The following CACNB4 variants were observed in gnomAD, a reference collection of about 807,000 sequenced individuals.
CACNB4 encodes the protein calcium voltage-gated channel auxiliary subunit beta 4, also known as voltage-dependent L-type calcium channel subunit beta-4.
CACNB4 carries 32 observed loss-of-function variants against 71.2 expected under a neutral mutation model. The observed-to-expected ratio is 0.45, with a 90% CI of 0.34 to 0.60. The LOEUF (loss-of-function observed/expected upper bound fraction) is 0.60. Ranked by LOEUF, CACNB4 falls within the 20% of genes least tolerant of loss-of-function variation. The pLI is 0.01. For synonymous variants in CACNB4, 231 were observed against 236.9 expected (o/e 0.97, Z 0.23); for missense variants, 464 against 647.9 (o/e 0.72, Z 3.08).
chr2:151,833,480 T>C lies in CACNB4; in HGVS notation c.*5639A>G, dbSNP rs1286125445. ...GCCCTATGAGCTCACTTGCTGTGAC[T>C]TTCTGCTGTTGTTATTGAAAGAGAA... On this transcript the variant is annotated 3_prime_UTR_variant, in exon 14 of 14. Coordinates refer to ENST00000539935, the MANE Select transcript of CACNB4 (RefSeq NM_000726.5). The C allele has an allele frequency of 6.6e-6, 1 of 152,148 alleles. No homozygotes were observed. The allele number at this position is 152,148 out of a possible 1,614,324, so 9.4% of individuals were successfully genotyped here.
At chr2:151,989,822 T>A (rs773303267) in intron 2 of CACNB4, among the ~76,000 whole-genome samples, 1 of 152,206 alleles carries the variant, frequency 6.6e-6, no homozygotes, top group Non-Finnish European at 1.5e-5. Flanking sequence ...AATCAAGTCC[T>A]TATATTCTAA....
At chr2:151,842,633 G>A (rs1027323324) in intron 12 of CACNB4, among the ~76,000 whole-genome samples, 7 of 151,924 alleles carry the variant, frequency 4.6e-5, no homozygotes, top group East Asian at 1.9e-4. Context: ...GCGCCCAGCC[G>A]GATTTTTCAT....
At chr2:151,903,149 T>A (rs2099853896) in intron 2 of CACNB4, among the ~76,000 whole-genome samples, 1 of 152,214 alleles carries the variant, frequency 6.6e-6, no homozygotes, top group African/African-American at 2.4e-5. Flanking sequence ...ATACTAAATC[T>A]ACTCAAAATC....
At chr2:151,967,145 T>A (rs1365891029) in intron 2 of CACNB4, 1 of 148,362 alleles carries the variant, frequency 6.7e-6, no homozygotes. Context: ...CCTCCTGGGC[T>A]CAAGCGATCC....
At chr2:152,031,575 C>T (rs1462649163) in intron 2 of CACNB4, among the ~76,000 whole-genome samples, 1 of 152,110 alleles carries the variant, frequency 6.6e-6, no homozygotes, top group Non-Finnish European at 1.5e-5. Context: ...GGGGCTTGCT[C>T]AAAGGCCTGG....
intron 6 of CACNB4, chr2:151,871,628 A>G (rs2099844664): frequency 6.6e-6 from 1 of 152,378 alleles, no homozygotes; most frequent in Non-Finnish European, 1.5e-5. Flanking sequence ...GCTTCACATG[A>G]ACAAGGACCC....
chr2:151,868,877 T>G (rs1471218188), intron 9 of CACNB4: 2 of 167,880 alleles, frequency 1.2e-5, no homozygotes, highest in African/African-American at 2.4e-5. Flanking sequence ...TATATTTTAA[T>G]TAATATTTTT....
chr2:151,889,311 C>A lies in CACNB4; in HGVS notation c.148-5941G>T, dbSNP rs2099850156. Among the ~76,000 whole-genome samples the A allele has an allele frequency of 2.0e-5, 3 of 151,740 alleles. No homozygotes were observed. The South Asian group carries it at 6.3e-4, about 32-fold the overall frequency. On this transcript the variant is annotated intron_variant, in intron 2 of 13. Transcript: ENST00000539935. Reference sequence around the variant, plus strand: ...TGGTGAAACCGTCTCTACAAAAATACAAAAATTAGCCAGGTGTGGTGGCAG... The same window carrying A: ...TGGTGAAACCGTCTCTACAAAAATAAAAAAATTAGCCAGGTGTGGTGGCAG...
chr2:151,853,201 A>G, intron 12 of CACNB4: 2 of 384,512 alleles, frequency 5.2e-6, no homozygotes, highest in Non-Finnish European at 4.6e-6. Context: ...CAAAGCAAAC[A>G]AGGTAGCAGT....
intron 2 of CACNB4, among the ~76,000 whole-genome samples, chr2:152,095,568 G>A (rs1013106852): frequency 6.6e-6 from 1 of 151,982 alleles, no homozygotes; most frequent in South Asian, 2.1e-4. Context: ...CTGTGAAACA[G>A]CACCAAGAAA....
intron 2 of CACNB4, among the ~76,000 whole-genome samples, chr2:152,070,891 C>G (rs1686650936): frequency 6.6e-6 from 1 of 152,222 alleles, no homozygotes; most frequent in African/African-American, 2.4e-5. Flanking sequence ...CCTCAGCCTC[C>G]TGAGTAGCTG....
chr2:151,888,722 G>C (rs1011099954), intron 2 of CACNB4, among the ~76,000 whole-genome samples: 6 of 152,156 alleles, frequency 3.9e-5, no homozygotes, highest in African/African-American at 1.4e-4. Flanking sequence ...TACTGGAGTG[G>C]CCACTACATG....
At chr2:151,985,258 T>C (rs1291779015) in intron 2 of CACNB4, among the ~76,000 whole-genome samples, 1 of 152,166 alleles carries the variant, frequency 6.6e-6, no homozygotes, top group Non-Finnish European at 1.5e-5. Flanking sequence ...ATATGTAAAC[T>C]TTTGCATTCT....
At chr2:152,092,497 A>T (rs1367765626) in intron 2 of CACNB4, among the ~76,000 whole-genome samples, 3 of 152,208 alleles carry the variant, frequency 2.0e-5, no homozygotes, top group Non-Finnish European at 2.9e-5. Context: ...AGCATACCTT[A>T]AAAAATACGA....
chr2:151,974,535 T>A lies in CACNB4; in HGVS notation c.148-91165A>T, dbSNP rs148880465. 2.6e-5 allele frequency among the ~76,000 whole-genome samples: 4 copies of A among 152,350 alleles called. No homozygotes were observed. The East Asian group carries it at 7.7e-4, about 29-fold the overall frequency. On this transcript the variant is annotated intron_variant, in intron 2 of 13. Transcript: ENST00000539935. ...GTTTGAAAAGGAAGCCAAAAACTTC[T>A]CAACTTTTAGATGTGAAATGTTTAA...
In CACNB4 at chr2:152,034,673, A is replaced by T. The variant is rs185333679; in HGVS notation, c.147+63657T>A. On this transcript the variant is annotated intron_variant, in intron 2 of 13. Transcript: ENST00000539935. ...TTGTTTTCCTCTCTAGATGTTTGTAATCCTGCCTTTAAAACACCAGGGGAT... is the reference window on the plus strand; with the variant it reads ...TTGTTTTCCTCTCTAGATGTTTGTATTCCTGCCTTTAAAACACCAGGGGAT... 2.6e-4 allele frequency among the ~76,000 whole-genome samples: 40 copies of T among 152,252 alleles called. No individual in the cohort carries two copies. The East Asian group carries it at 6.8e-3, about 26-fold the overall frequency.
intron 9 of CACNB4, chr2:151,867,057 C>T (rs1423794116): frequency 2.0e-5 from 3 of 152,194 alleles, no homozygotes; most frequent in African/African-American, 7.2e-5. Flanking sequence ...GAGGGCAAAC[C>T]TTTAACAGCA....
chr2:151,914,931 C>T (rs184709930), intron 2 of CACNB4, among the ~76,000 whole-genome samples: 4 of 152,280 alleles, frequency 2.6e-5, no homozygotes, highest in Non-Finnish European at 5.9e-5. Flanking sequence ...TGTCTGACAA[C>T]CCCTGTTGGA....
intron 2 of CACNB4, among the ~76,000 whole-genome samples, chr2:151,985,681 T>C (rs1681317724): frequency 6.6e-6 from 1 of 152,008 alleles, no homozygotes; most frequent in African/African-American, 2.4e-5. Context: ...TTTTCTTTTT[T>C]TTTTTTTTGC....
Sources: gnomAD v4.1 joint callset for allele counts (sites outside exome capture counted in the v4.1 genomes callset) on GRCh38, gnomAD v4.1.1 for gene constraint, MANE v1.5 for transcripts, NCBI Gene and HGNC (gene_info 2026-07-23, HGNC 2026-07-21) for gene names.